The following TTLL11 variants were observed in gnomAD, a reference collection of about 807,000 sequenced individuals.
TTLL11 encodes the protein tubulin tyrosine ligase like 11.
Under a neutral mutation model 51.7 loss-of-function variants are expected in TTLL11, and 42 were observed. The ratio of observed to expected loss-of-function variants is 0.81; its 90% CI spans 0.64 to 1.05. The LOEUF is 1.05. Ranked by LOEUF, TTLL11 falls within the 50% of genes least tolerant of loss-of-function variation. The pLI, the probability that TTLL11 is intolerant of heterozygous loss-of-function variation, is 0.00. For missense variants in TTLL11, 799 were observed against 940.4 expected (o/e 0.85, Z 1.97); for synonymous variants, 381 against 383.5 (o/e 0.99, Z 0.08).
intron 8 of TTLL11, among the ~76,000 whole-genome samples, chr9:121,848,184 T>A (rs915230229): frequency 6.7e-6 from 1 of 148,964 alleles, no homozygotes; most frequent in Non-Finnish European, 1.5e-5. Flanking sequence ...TCCAGCCTGG[T>A]CAACAGAGCA....
At position 122,092,806 on chromosome 9, in the gene TTLL11, T is replaced by C; in HGVS notation, c.343A>G (p.Ser115Gly). 6.5e-7 allele frequency: 1 copy of C among 1,546,878 alleles called. No individual in the cohort carries two copies. The highest frequency in any genetic ancestry group is 2.1e-4 in the Middle Eastern group (1 of 4,804). ...TTCTCGCCGGAACCGTGGCCCGAGC[T>C]CCGCTTGCAGCTTCGGCCCTTGTCC... is the stretch of plus-strand genomic sequence containing the variant. Reference protein sequence around the residue: ...PRDKGRSCKRSSGHGSGENGS... With the variant: ...PRDKGRSCKRGSGHGSGENGS... Residue 115 changes from serine (S) to glycine (G), a missense_variant, in exon 1 of 9, where the codon AGC becomes GGC. Ser to Gly is a moderately conservative substitution (Grantham distance 56). Coordinates refer to ENST00000321582, the MANE Select transcript of TTLL11 (RefSeq NM_001139442.2).
chr9:121,929,758 G>A (rs1207208186), intron 6 of TTLL11, among the ~76,000 whole-genome samples: 2 of 152,204 alleles, frequency 1.3e-5, no homozygotes, highest in African/African-American at 4.8e-5. Context: ...CATAAGGCAG[G>A]TTCCGAGGAC....
At chr9:122,034,938 C>G (rs1844660979) in intron 2 of TTLL11, among the ~76,000 whole-genome samples, 1 of 152,168 alleles carries the variant, frequency 6.6e-6, no homozygotes, top group South Asian at 2.1e-4. Flanking sequence ...AGGTCTAACC[C>G]CCAGCTCCCT....
rs541175961 is a variant in TTLL11 at position 122,087,949 on chromosome 9, C to T, written c.462+4738G>A. 1.8e-3 allele frequency among the ~76,000 whole-genome samples: 280 copies of T among 152,318 alleles called. 1 individual carries two copies. The highest frequency in any genetic ancestry group is 6.6e-3 in the African/African-American group (274 of 41,550). On this transcript the variant is annotated intron_variant, in intron 1 of 8. Transcript: ENST00000321582. ...GTTTACAGAGCTAACATCTGTGATC[C>T]TTCCCTTTCAGAAACAAATTTAACA...
intron 6 of TTLL11, among the ~76,000 whole-genome samples, chr9:121,910,335 C>G (rs930968019): frequency 2.0e-5 from 3 of 152,218 alleles, no homozygotes; most frequent in Non-Finnish European, 4.4e-5. Context: ...TTTGTTATTA[C>G]TTGGGCCAAA....
chr9:121,818,379 A>G lies in TTLL11; in HGVS notation c.*4208T>C, dbSNP rs1294722420. On this transcript the variant is annotated 3_prime_UTR_variant, in exon 9 of 9. Transcript: ENST00000321582. Reference sequence around the variant, plus strand: ...CAAGGTTTAGAAATCTGTGCTTCTTAAAGGCACCCGCAGGCAAAGTGGAGA... The same window carrying G: ...CAAGGTTTAGAAATCTGTGCTTCTTGAAGGCACCCGCAGGCAAAGTGGAGA... 6.6e-6 allele frequency: 1 copy of G among 152,230 alleles called. No homozygotes were observed. Among genetic ancestry groups the G allele is most frequent in the African/African-American group, 2.4e-5 (1 of 41,446 alleles). The allele number at this position is 152,230 out of a possible 1,614,324, so 9.4% of individuals were successfully genotyped here.
At chr9:121,912,378 T>A (rs1456299583) in intron 6 of TTLL11, among the ~76,000 whole-genome samples, 2 of 150,376 alleles carry the variant, frequency 1.3e-5, no homozygotes, top group African/African-American at 2.5e-5. Flanking sequence ...ACCCTTACCT[T>A]CCCCCCCGCC....
At chr9:121,861,523 T>TG (rs1210560037) in intron 7 of TTLL11, among the ~76,000 whole-genome samples, 2 of 152,354 alleles carry the variant, frequency 1.3e-5, no homozygotes, top group Admixed American at 1.3e-4. Flanking sequence ...AGCCTGACCT[T>TG]GCACAGCAAT....
chr9:121,926,923 C>T (rs1311247570), intron 6 of TTLL11, among the ~76,000 whole-genome samples: 2 of 152,170 alleles, frequency 1.3e-5, no homozygotes, highest in Non-Finnish European at 2.9e-5. Context: ...CAAGGATCCT[C>T]TTGCAAATGC....
At chr9:121,968,329 T>C (rs997950001) in intron 6 of TTLL11, among the ~76,000 whole-genome samples, 5 of 152,202 alleles carry the variant, frequency 3.3e-5, no homozygotes, top group Non-Finnish European at 7.3e-5. Context: ...AAAGGTAATT[T>C]CTCCTAACAC....
At chr9:121,954,678 G>GCACACACACACACACACACAGACGCACA (rs1841965480) in intron 6 of TTLL11, among the ~76,000 whole-genome samples, 3 of 149,302 alleles carry the variant, frequency 2.0e-5, no homozygotes, top group African/African-American at 7.4e-5. Context: ...ACACACAGAC[G>GCACACACACACACACACACAGACGCACA]CACACACACA....
chr9:121,915,031 C>T (rs1045077689), intron 6 of TTLL11, among the ~76,000 whole-genome samples: 37 of 152,286 alleles, frequency 2.4e-4, no homozygotes, highest in African/African-American at 7.2e-4. Flanking sequence ...CATTTCATCT[C>T]GATTTCCTCT....
In TTLL11 at chr9:121,989,433, T is replaced by C. The variant is rs749782650; in HGVS notation, c.1031A>G (p.Asn344Ser). The C allele has an allele frequency of 3.1e-6, 5 of 1,614,062 alleles. No homozygotes were observed. The highest frequency in any genetic ancestry group is 3.4e-6 in the Non-Finnish European group (4 of 1,180,020). Residue 344 changes from asparagine to serine, a missense_variant, in exon 4 of 9, where the codon AAC (asparagine) becomes AGC (serine). By Grantham distance (46) the Asn-to-Ser change is conservative. Coordinates refer to ENST00000321582, the MANE Select transcript of TTLL11 (RefSeq NM_001139442.2). The surrounding 1 kb of genome is among the most constrained non-coding windows in gnomAD (Gnocchi z 4.2). Reference sequence around the variant, plus strand: ...GCCGCTGTGGATGTTCAGTGAATAGTTGGTTAAGTGCATAAAGATGCGGTG... The same window carrying C: ...GCCGCTGTGGATGTTCAGTGAATAGCTGGTTAAGTGCATAAAGATGCGGTG... Reference protein sequence around the residue: ...NLHRIFMHLTNYSLNIHSGNF... With the variant: ...NLHRIFMHLTSYSLNIHSGNF...
At chr9:122,056,891 C>G (rs1845302840) in intron 1 of TTLL11, among the ~76,000 whole-genome samples, 1 of 152,148 alleles carries the variant, frequency 6.6e-6, no homozygotes, top group African/African-American at 2.4e-5. Flanking sequence ...GAGGGGATAA[C>G]AGGACATCAT....
At chr9:121,987,743 C>T (rs1364302989) in intron 4 of TTLL11, among the ~76,000 whole-genome samples, 1 of 152,130 alleles carries the variant, frequency 6.6e-6, no homozygotes, top group Non-Finnish European at 1.5e-5. Flanking sequence ...TCTCAAGACA[C>T]TGCTTCTTGG....
intron 8 of TTLL11, among the ~76,000 whole-genome samples, chr9:121,826,183 C>CATATATAT (rs1564259884): frequency 0.013 from 51 of 3,946 alleles, 2 homozygotes; most frequent in South Asian, 0.059. Flanking sequence ...TAACCAGTAA[C>CATATATAT]CTATATATAT....
intron 7 of TTLL11, among the ~76,000 whole-genome samples, chr9:121,869,318 T>A (rs1034336810): frequency 2.3e-4 from 35 of 152,236 alleles, no homozygotes; most frequent in Non-Finnish European, 5.9e-5. Context: ...CAAAAGTGGC[T>A]TCCCACTCAA....
At chr9:121,923,415 G>C (rs898672813) in intron 6 of TTLL11, among the ~76,000 whole-genome samples, 3 of 152,130 alleles carry the variant, frequency 2.0e-5, no homozygotes, top group African/African-American at 7.2e-5. Context: ...GTAGAAGTTA[G>C]GGTTGGAGTA....
chr9:122,023,647 T>A (rs1259092619), intron 3 of TTLL11, among the ~76,000 whole-genome samples: 1 of 150,748 alleles, frequency 6.6e-6, no homozygotes, highest in African/African-American at 2.4e-5. Context: ...TATTTAAAAA[T>A]CAACCAATGT....
Sources: gnomAD v4.1 joint callset for allele counts (sites outside exome capture counted in the v4.1 genomes callset) on GRCh38, gnomAD v4.1.1 for gene constraint, Gnocchi (gnomAD v3.1) non-coding constraint, MANE v1.5 for transcripts, NCBI Gene and HGNC (gene_info 2026-07-23, HGNC 2026-07-21) for gene names.